The following DYNC2I1 variants were observed in gnomAD, a reference collection of about 807,000 sequenced individuals.
The protein encoded by DYNC2I1 is dynein 2 intermediate chain 1.
A neutral mutation model predicts 133.4 loss-of-function variants in DYNC2I1; 89 were observed. The observed-to-expected ratio is 0.67, with a 90% CI of 0.56 to 0.80. DYNC2I1 has a LOEUF of 0.80. Among genes scored for constraint, DYNC2I1 ranks in the 30% least tolerant of loss-of-function variants. DYNC2I1 has a pLI of 0.00. For missense variants in DYNC2I1, 1,291 were observed against 1,314.5 expected (o/e 0.98, Z 0.28); for synonymous variants, 504 against 484.3 (o/e 1.04, Z -0.54).
chr7:158,879,883 A>T lies in DYNC2I1; in HGVS notation c.773A>T (p.Glu258Val). ...GACAAAGGGGAAGAAAGACATAAAG[A>T]AAAGCGACACAAAGAAGGTTTTCAT... ...FSDKGEERHK[E>V]KRHKEGFHFD... Residue 258 changes from glutamate (E) to valine (V), a missense_variant, in exon 5 of 25, where the codon GAA (glutamate) becomes GTA (valine). Physicochemically the swap from Glu to Val is moderately radical, Grantham distance 121 (BLOSUM62 -2). Transcript: ENST00000407559. 1 of 1,613,850 alleles carries T rather than the reference A, an allele frequency of 6.2e-7. No homozygotes were observed. The highest frequency in any genetic ancestry group is 8.5e-7 in the Non-Finnish European group (1 of 1,179,852).
At chr7:158,879,235 AT>A (rs1346433797) in intron 4 of DYNC2I1, among the ~76,000 whole-genome samples, 4 of 152,088 alleles carry the variant, frequency 2.6e-5, no homozygotes, top group African/African-American at 9.7e-5. Context: ...TGACAGTGGA[AT>A]TGAGGAGTGA....
Position 158,934,504 on chromosome 7 carries a change from A to G in DYNC2I1, c.2733A>G (p.Lys911=), listed in dbSNP as rs1179974143. 3.2e-6 allele frequency: 5 copies of G among 1,565,364 alleles called. No individual in the cohort carries two copies. The highest frequency in any genetic ancestry group is 2.3e-5 in the East Asian group (1 of 42,556). Residue 911 remains lysine (K), a synonymous_variant, in exon 23 of 25, where the codon AAA becomes AAG. Coordinates refer to ENST00000407559, the MANE Select transcript of DYNC2I1 (RefSeq NM_018051.5). The stretch of plus-strand genomic sequence containing the variant: ...AGCAACATGGTATAAGACCAGTGAA[A>G]GTTAATGTCATTGATTTTTCACCAT... ...KPQQHGIRPV[K]VNVIDFSPFG... is the part of the protein sequence containing the mutation.
At chr7:158,861,056 A>G (rs1053351547) in intron 1 of DYNC2I1, among the ~76,000 whole-genome samples, 1 of 152,270 alleles carries the variant, frequency 6.6e-6, no homozygotes, top group Non-Finnish European at 1.5e-5. Context: ...CCTCTGGGAC[A>G]ACCCAGCTCA....
Position 158,867,814 on chromosome 7 carries a change from G to A in DYNC2I1, c.16-2041G>A, listed in dbSNP as rs528749796. On this transcript the variant is annotated intron_variant, in intron 1 of 24. Transcript: ENST00000407559. ...CCCAGGGTGCGCGGTGAGAGCAAGC[G>A]GGCACCACAGCCAGGTGGAAGCTCT... Among the ~76,000 whole-genome samples, 6 of 152,202 alleles carry A rather than the reference G, an allele frequency of 3.9e-5. No individual in the cohort carries two copies. The East Asian group carries it at 7.7e-4, about 20-fold the overall frequency.
chr7:158,918,796 T>C lies in DYNC2I1; in HGVS notation c.1848T>C (p.Leu616=). ...DRLAAEPSWN[L]RAQDRALYFS... is the part of the protein sequence containing the mutation. ...TGGCAGCTGAACCCAGCTGGAATCTTAGGGCTCAAGACAGGGCCCTGTATT... is the reference window on the plus strand; with the variant it reads ...TGGCAGCTGAACCCAGCTGGAATCTCAGGGCTCAAGACAGGGCCCTGTATT... The change falls in exon 15 of 25, where the codon CTT becomes CTC. Residue 616 remains leucine, a synonymous_variant. Transcript: ENST00000407559. 1 of 1,613,954 alleles carries C rather than the reference T, an allele frequency of 6.2e-7. No individual in the cohort carries two copies. Among genetic ancestry groups the C allele is most frequent in the South Asian group, 1.1e-5 (1 of 91,086 alleles).
At chr7:158,921,548 G>C (rs748360776) in intron 15 of DYNC2I1, among the ~76,000 whole-genome samples, 3 of 152,150 alleles carry the variant, frequency 2.0e-5, no homozygotes, top group Non-Finnish European at 2.9e-5. Flanking sequence ...AAGACCTGAC[G>C]CTTGCTGGTG....
At chr7:158,911,481 G>C (rs1209266532) in intron 11 of DYNC2I1, 69 bp from the exon 12 acceptor site, 2 of 1,528,730 alleles carry the variant, frequency 1.3e-6, no homozygotes, top group Non-Finnish European at 8.9e-7. Flanking sequence ...GTTTACTTCT[G>C]TTCTCCCTAC....
chr7:158,843,717 C>T, the DYNC2I1 span, among the ~76,000 whole-genome samples: 1 of 152,104 alleles, frequency 6.6e-6, no homozygotes, highest in African/African-American at 2.4e-5. Context: ...TATGTTTAAG[C>T]TGTAAATTAC....
At chr7:158,939,569 G>A (rs775913266) in intron 23 of DYNC2I1, among the ~76,000 whole-genome samples, 35 of 152,282 alleles carry the variant, frequency 2.3e-4, no homozygotes, top group Non-Finnish European at 3.7e-4. Flanking sequence ...AGGAAGAGAG[G>A]AGTCTTAAGC....
At chr7:158,862,315 A>G (rs970736136) in intron 1 of DYNC2I1, among the ~76,000 whole-genome samples, 3 of 152,192 alleles carry the variant, frequency 2.0e-5, no homozygotes, top group African/African-American at 4.8e-5. Flanking sequence ...GGGGACGATT[A>G]CAAAATACTT....
intron 6 of DYNC2I1, 52 bp downstream of exon 6, chr7:158,884,671 A>C: frequency 6.3e-7 from 1 of 1,591,832 alleles, no homozygotes; most frequent in Non-Finnish European, 8.6e-7. Flanking sequence ...CTCTCATGGA[A>C]TGCTTCAGGG....
chr7:158,874,113 C>A (rs778690390), intron 3 of DYNC2I1, among the ~76,000 whole-genome samples: 2 of 152,144 alleles, frequency 1.3e-5, no homozygotes, highest in Non-Finnish European at 2.9e-5. Context: ...CACATGTTGC[C>A]CAGGCTGGTC....
At chr7:158,936,702 A>G (rs1255984801) in intron 23 of DYNC2I1, among the ~76,000 whole-genome samples, 1 of 152,212 alleles carries the variant, frequency 6.6e-6, no homozygotes, top group Non-Finnish European at 1.5e-5. Context: ...GTGGCCGCTC[A>G]TAGCACCATG....
intron 17 of DYNC2I1, among the ~76,000 whole-genome samples, chr7:158,924,516 C>T (rs527536738): frequency 6.6e-6 from 1 of 152,266 alleles, no homozygotes; most frequent in African/African-American, 2.4e-5. Context: ...TTTTTAAATT[C>T]CCCAACCATG....
At chr7:158,915,345 G>A (rs187824485) in intron 14 of DYNC2I1, among the ~76,000 whole-genome samples, 27 of 66,550 alleles carry the variant, frequency 4.1e-4, no homozygotes, top group Admixed American at 2.1e-3. Context: ...ATTGTGAAAC[G>A]TCGACACGCT....
intron 5 of DYNC2I1, among the ~76,000 whole-genome samples, chr7:158,883,513 T>C (rs983562151): frequency 1.7e-3 from 251 of 152,002 alleles, no homozygotes; most frequent in African/African-American, 5.8e-3. Flanking sequence ...TCATGGTGCC[T>C]GGCCTCTATA....
At chr7:158,923,504 A>G (rs1230094753) in intron 16 of DYNC2I1, 67 bp from the exon 17 acceptor site, 6 of 1,611,232 alleles carry the variant, frequency 3.7e-6, no homozygotes, top group Non-Finnish European at 4.2e-6. Context: ...CACTCAGTAA[A>G]TGCAGCTTGT....
At chr7:158,872,598 G>C (rs529766376) in intron 3 of DYNC2I1, among the ~76,000 whole-genome samples, 1 of 152,084 alleles carries the variant, frequency 6.6e-6, no homozygotes, top group South Asian at 2.1e-4. Context: ...TTGTGCCACT[G>C]TACTCCAGAC....
chr7:158,926,306 T>C lies in DYNC2I1; in HGVS notation c.2371+6T>C. ...ACCCTTTTCTACTCAAGAAGGTACG[T>C]GATTCTTCACTTTCTTAAAATCCTT... On this transcript the variant is annotated splice_donor_region_variant and intron_variant, in intron 18 of 24. Transcript: ENST00000407559. 2 of 1,608,690 alleles carry C rather than the reference T, an allele frequency of 1.2e-6. No homozygotes were observed. Among genetic ancestry groups the C allele is most frequent in the Non-Finnish European group, 1.7e-6 (2 of 1,177,178 alleles).
Sources: allele counts gnomAD v4.1 joint callset (sites outside exome capture counted in the v4.1 genomes callset), GRCh38; gene constraint gnomAD v4.1.1; transcripts MANE v1.5; gene names NCBI Gene and HGNC (gene_info 2026-07-23, HGNC 2026-07-21).